CSMD1: variants seen among roughly 807,000 people sequenced by gnomAD.
CSMD1 encodes CUB and Sushi multiple domains 1.
CSMD1 carries 213 observed loss-of-function variants against 417.5 expected under a neutral mutation model. The observed-to-expected ratio is 0.51, with a 90% confidence interval of 0.46 to 0.57. The LOEUF (loss-of-function observed/expected upper bound fraction) is 0.57, where lower values mean the gene tolerates loss of function less well. CSMD1 is among the 20% of genes least tolerant of loss of function. The pLI is 0.00. For synonymous variants in CSMD1, 2,862 were observed against 1,736.8 expected, an observed-to-expected ratio of 1.65 and a Z score of -16.11; for missense variants, 6,923 against 4,529.7, an observed-to-expected ratio of 1.53 and a Z score of -15.17.
At chr8:3,347,253 G>C (rs1223975898) in intron 22 of CSMD1, among the ~76,000 whole-genome samples, 1 of 152,192 alleles carries the variant, frequency 6.6e-6, no homozygotes, top group Non-Finnish European at 1.5e-5. Context: ...CTTGAGGCTA[G>C]GTTGCCCATT....
chr8:3,528,751 G>C (rs531127898), intron 10 of CSMD1, among the ~76,000 whole-genome samples: 20 of 152,308 alleles, frequency 1.3e-4, no homozygotes, highest in Non-Finnish European at 2.5e-4. Context: ...CAATTGCTGA[G>C]ACTATTAATT....
At chr8:3,615,181 A>G (rs1802075370) in intron 8 of CSMD1, among the ~76,000 whole-genome samples, 1 of 152,144 alleles carries the variant, frequency 6.6e-6, no homozygotes, top group African/African-American at 2.4e-5. Flanking sequence ...GTTCACAACC[A>G]ACTCTTCCTC....
intron 1 of CSMD1, among the ~76,000 whole-genome samples, chr8:4,956,821 T>C (rs1004827890): frequency 6.6e-6 from 1 of 152,164 alleles, no homozygotes; most frequent in African/African-American, 2.4e-5. Flanking sequence ...ACCTGTTGCA[T>C]TGCTTCCACG....
chr8:2,960,961 T>TATATATATATATATATATATAC (rs1408815262), intron 62 of CSMD1, among the ~76,000 whole-genome samples, 180 bp downstream of exon 62: 17 of 130,860 alleles, frequency 1.3e-4, no homozygotes, highest in Middle Eastern at 3.7e-3. Context: ...TATATATATA[T>TATATATATATATATATATATAC]ATATACATAT....
chr8:3,968,169 A>C (rs1585049277), intron 5 of CSMD1, among the ~76,000 whole-genome samples: 1 of 149,042 alleles, frequency 6.7e-6, no homozygotes, highest in East Asian at 2.0e-4. Context: ...CCTGGGTGAC[A>C]GAGCGAGACT....
chr8:3,381,362 C>G (rs1414384892), intron 18 of CSMD1, among the ~76,000 whole-genome samples: 1 of 151,960 alleles, frequency 6.6e-6, no homozygotes, highest in Non-Finnish European at 1.5e-5. Flanking sequence ...ATTAAAAATG[C>G]ACAGTATCAT....
chr8:4,582,314 C>G (rs989028771), intron 2 of CSMD1, among the ~76,000 whole-genome samples: 1 of 152,156 alleles, frequency 6.6e-6, no homozygotes, highest in Non-Finnish European at 1.5e-5. Flanking sequence ...CAGACCAAGT[C>G]TCCTGCAGAG....
Position 2,938,330 on chromosome 8 carries a change from T to A in CSMD1, c.*255A>T. ...GCGCGACGTGGCAGTCTTCCTGGAG[T>A]GTGCCTTGATTTCATACAGATGCAG... On this transcript the variant is annotated 3_prime_UTR_variant, in exon 70 of 70. Transcript: ENST00000635120. 2.4e-6 allele frequency: 1 copy of A among 416,088 alleles called. No individual in the cohort carries two copies. The highest frequency in any genetic ancestry group is 4.3e-6 in the Non-Finnish European group (1 of 235,148). The allele number at this position is 416,088 out of a possible 1,614,324, so 25.8% of individuals were successfully genotyped here. A position where few individuals can be genotyped will look rare whatever the true frequency, so the allele number is the denominator to read the frequency against.
chr8:3,781,171 T>C (rs776317631), intron 5 of CSMD1, among the ~76,000 whole-genome samples: 1 of 152,128 alleles, frequency 6.6e-6, no homozygotes, highest in Non-Finnish European at 1.5e-5. Flanking sequence ...CAAAGATTGG[T>C]GATTATTTAA....
chr8:3,733,450 T>C (rs1027635949), intron 6 of CSMD1, among the ~76,000 whole-genome samples: 3 of 151,424 alleles, frequency 2.0e-5, no homozygotes, highest in African/African-American at 4.9e-5. Flanking sequence ...TATGCACTAA[T>C]CTTCACTTAT....
chr8:4,299,694 G>C (rs11136718), intron 3 of CSMD1, among the ~76,000 whole-genome samples: 1 of 151,856 alleles, frequency 6.6e-6, no homozygotes, highest in Non-Finnish European at 1.5e-5. Flanking sequence ...ATGCAGTGGC[G>C]ATCTTGGCTC....
intron 23 of CSMD1, among the ~76,000 whole-genome samples, chr8:3,331,760 C>A (rs753509535): frequency 7.9e-5 from 12 of 152,190 alleles, no homozygotes; most frequent in African/African-American, 2.9e-4. Flanking sequence ...TTCAGGGCTT[C>A]ATGCCAGATC....
rs528948295 is a variant in CSMD1 at position 3,372,839 on chromosome 8, C to T, written c.2783-3469G>A. On this transcript the variant is annotated intron_variant, in intron 18 of 69. Coordinates refer to ENST00000635120, the MANE Select transcript of CSMD1 (RefSeq NM_033225.6). ...GGGAGACCACAACTATGTGAGAACA[C>T]CAGTGGCAGTGAATGTAGAAATAAG... Among the ~76,000 whole-genome samples, 25 of 152,258 alleles carry T rather than the reference C, an allele frequency of 1.6e-4. No homozygotes were observed. The South Asian group carries it at 3.1e-3, about 19-fold the overall frequency.
intron 49 of CSMD1, among the ~76,000 whole-genome samples, chr8:3,054,360 G>A (rs1812072431): frequency 6.6e-6 from 1 of 152,228 alleles, no homozygotes; most frequent in South Asian, 2.1e-4. Flanking sequence ...GCTCATGCCT[G>A]TAATCCCAGC....
rs549663059 is a variant in CSMD1 at position 4,766,999 on chromosome 8, G to A, written c.86-129441C>T. On this transcript the variant is annotated intron_variant, in intron 1 of 69. Transcript: ENST00000635120. ...AAAAAGAAAATATTTCTTAGCTCTT[G>A]TCTTCTTGGAAAAATGTACTATGGA... Among the ~76,000 whole-genome samples, 5 of 152,306 alleles carry A rather than the reference G, an allele frequency of 3.3e-5. No individual in the cohort carries two copies. The East Asian group carries it at 9.6e-4, about 29-fold the overall frequency.
At chr8:3,264,591 C>G (rs997864020) in intron 26 of CSMD1, among the ~76,000 whole-genome samples, 1 of 152,136 alleles carries the variant, frequency 6.6e-6, no homozygotes, top group Non-Finnish European at 1.5e-5. Context: ...TATTAACAAT[C>G]ATTTATATTT....
At chr8:3,702,084 T>G (rs1165071810) in intron 7 of CSMD1, 1 of 152,178 alleles carries the variant, frequency 6.6e-6, no homozygotes, top group Non-Finnish European at 1.5e-5. Context: ...GGGCATTTAT[T>G]TTATAATGTT....
intron 5 of CSMD1, among the ~76,000 whole-genome samples, chr8:3,762,342 T>C (rs544557637): frequency 6.6e-6 from 1 of 152,132 alleles, no homozygotes; most frequent in Non-Finnish European, 1.5e-5. Flanking sequence ...TTTCAGATCA[T>C]GTGTTGCAGT....
intron 7 of CSMD1, among the ~76,000 whole-genome samples, chr8:3,676,918 C>G (rs1054974352): frequency 2.6e-5 from 4 of 151,956 alleles, no homozygotes; most frequent in African/African-American, 7.3e-5. Flanking sequence ...AAACCAAACA[C>G]CACATGTTCA....
Sources: gnomAD v4.1 joint callset for allele counts (sites outside exome capture counted in the v4.1 genomes callset) on GRCh38, gnomAD v4.1.1 for gene constraint, MANE v1.5 for transcripts, NCBI Gene and HGNC (gene_info 2026-07-23, HGNC 2026-07-21) for gene names.